DLGAP1: variants seen among roughly 807,000 people sequenced by gnomAD.
The protein encoded by DLGAP1 is DLG associated protein 1.
In DLGAP1, 11 loss-of-function variants were observed where a neutral mutation model predicts 90.8. The ratio of observed to expected loss-of-function variants is 0.12; its 90% CI spans 0.08 to 0.20. The LOEUF (loss-of-function observed/expected upper bound fraction) is 0.20, where lower values mean the gene tolerates loss of function less well. Ranked by LOEUF, DLGAP1 falls within the 10% of genes least tolerant of loss-of-function variation. The probability of loss-of-function intolerance (pLI) is 1.00; values close to 1 mark genes in which losing one functional copy is unlikely to be tolerated. For missense variants in DLGAP1, 1,050 were observed against 1,333.8 expected, an observed-to-expected ratio of 0.79 and a Z score of 3.31; for synonymous variants, 558 against 540.7, an observed-to-expected ratio of 1.03 and a Z score of -0.44.
At chr18:4,277,106 T>A (rs1216133200) in intron 1 of DLGAP1, among the ~76,000 whole-genome samples, 1 of 152,234 alleles carries the variant, frequency 6.6e-6, no homozygotes, top group African/African-American at 2.4e-5. Flanking sequence ...GGAGGCTTTT[T>A]TCCCTGCTAG....
At chr18:3,559,980 A>G (rs1197186341) in intron 9 of DLGAP1, among the ~76,000 whole-genome samples, 2 of 152,090 alleles carry the variant, frequency 1.3e-5, no homozygotes, top group Non-Finnish European at 2.9e-5. Context: ...CTTTGTAATA[A>G]TTAATAATTT....
At chr18:4,086,272 C>T (rs1273246167) in intron 2 of DLGAP1, among the ~76,000 whole-genome samples, 3 of 152,108 alleles carry the variant, frequency 2.0e-5, no homozygotes. Flanking sequence ...TAGATTTAGT[C>T]ATTCAATTGC....
Position 3,517,123 on chromosome 18 carries a change from C to A in DLGAP1, c.2480-8462G>T, listed in dbSNP as rs1477359613. On this transcript the variant is annotated intron_variant, in intron 10 of 12. Coordinates refer to ENST00000315677, the MANE Select transcript of DLGAP1 (RefSeq NM_004746.4). The surrounding 1 kb of genome is among the most constrained non-coding windows in gnomAD (Gnocchi z 4.1). ...AGGCTCTGTTGTTCTACTTATAGAG[C>A]ACACTTTATAAGAGCACACAAATTT... 6.6e-6 allele frequency among the ~76,000 whole-genome samples: 1 copy of A among 152,152 alleles called. No individual in the cohort carries two copies. Among genetic ancestry groups the A allele is most frequent in the Non-Finnish European group, 1.5e-5 (1 of 68,022 alleles).
intron 1 of DLGAP1, among the ~76,000 whole-genome samples, chr18:4,417,647 T>C (rs1385539254): frequency 3.9e-5 from 6 of 151,944 alleles, no homozygotes; most frequent in Non-Finnish European, 7.4e-5. Context: ...GTGTCCAGAG[T>C]GAAGGGCAAT....
intron 5 of DLGAP1, among the ~76,000 whole-genome samples, chr18:3,795,164 G>C (rs553118181): frequency 1.6e-4 from 25 of 152,312 alleles, no homozygotes; most frequent in Middle Eastern, 6.8e-3. Context: ...GACACCCACT[G>C]AGTGTCCTAA....
chr18:4,202,118 CGT>C (rs887236588), intron 1 of DLGAP1, among the ~76,000 whole-genome samples: 3 of 151,038 alleles, frequency 2.0e-5, no homozygotes, highest in African/African-American at 4.9e-5. Context: ...GTGGTGTGTG[CGT>C]GTGTGTGTGT....
chr18:3,718,488 T>C (rs2147305728), intron 7 of DLGAP1, among the ~76,000 whole-genome samples: 1 of 152,064 alleles, frequency 6.6e-6, no homozygotes, highest in Middle Eastern at 3.4e-3. Flanking sequence ...CAGATGATGT[T>C]ATATGATGGA....
intron 6 of DLGAP1, among the ~76,000 whole-genome samples, chr18:3,736,277 C>T (rs1019214378): frequency 2.0e-5 from 3 of 152,110 alleles, no homozygotes; most frequent in African/African-American, 7.2e-5. Flanking sequence ...TCTTCTCAAG[C>T]CCTACTTTAA....
chr18:3,748,936 G>GAGTT (rs1339203943), intron 5 of DLGAP1, among the ~76,000 whole-genome samples: 1 of 152,076 alleles, frequency 6.6e-6, no homozygotes, highest in Non-Finnish European at 1.5e-5. Flanking sequence ...GTTGCCTCTT[G>GAGTT]AGTTATTTCT....
At chr18:4,116,009 T>C (rs2144055320) in intron 2 of DLGAP1, among the ~76,000 whole-genome samples, 1 of 152,348 alleles carries the variant, frequency 6.6e-6, no homozygotes, top group South Asian at 2.1e-4. Context: ...CTCGTGCAGA[T>C]TCAAATTATT....
At chr18:3,628,554 C>T (rs1298657194) in intron 7 of DLGAP1, among the ~76,000 whole-genome samples, 1 of 152,122 alleles carries the variant, frequency 6.6e-6, no homozygotes, top group Non-Finnish European at 1.5e-5. Flanking sequence ...TATAGAATGC[C>T]TCCGAGCCTG....
At chr18:4,107,210 G>C (rs1250767102) in intron 2 of DLGAP1, among the ~76,000 whole-genome samples, 1 of 152,192 alleles carries the variant, frequency 6.6e-6, no homozygotes, top group African/African-American at 2.4e-5. Context: ...AACTCCTTTT[G>C]AAAGGAAAGG....
chr18:3,676,498 C>A (rs933422152), intron 7 of DLGAP1, among the ~76,000 whole-genome samples: 2 of 152,064 alleles, frequency 1.3e-5, no homozygotes, highest in Non-Finnish European at 2.9e-5. Flanking sequence ...TTTCCTGCCG[C>A]GAGATGACAA....
intron 3 of DLGAP1, among the ~76,000 whole-genome samples, chr18:3,927,862 T>G (rs2072427483): frequency 1.3e-5 from 2 of 152,238 alleles, no homozygotes; most frequent in African/African-American, 2.4e-5. Context: ...TGAATGTTTT[T>G]TAAAAATGTC....
intron 5 of DLGAP1, among the ~76,000 whole-genome samples, chr18:3,785,652 T>C (rs1048704510): frequency 4.0e-4 from 61 of 152,124 alleles, no homozygotes; most frequent in African/African-American, 1.3e-3. Flanking sequence ...CTGGGAGGTA[T>C]TGTCTTGTGA....
chr18:4,320,717 TAC>T lies in DLGAP1; in HGVS notation c.-267+134287_-267+134288del, dbSNP rs71160954. Among the ~76,000 whole-genome samples the T allele has an allele frequency of 3.0e-3, 445 of 146,904 alleles. 4 individuals carry two copies. The highest frequency in any genetic ancestry group is 0.017 in the Middle Eastern group (5 of 290). On this transcript the variant is annotated intron_variant, in intron 1 of 12. Transcript: ENST00000315677. ...GTGGTGGAAACCCTAATTACAATTT[TAC>T]ACACACACACACACACACACACACA...
rs2062234571 is a variant in DLGAP1 at position 3,727,627 on chromosome 18, T to C, written c.1591+1508A>G. On this transcript the variant is annotated intron_variant, in intron 7 of 12. Coordinates refer to ENST00000315677, the MANE Select transcript of DLGAP1 (RefSeq NM_004746.4). The surrounding 1 kb of genome is among the most constrained non-coding windows in gnomAD (Gnocchi z 4.7). ...TGAAAATGGGACACACCAAAAGACA[T>C]AGTGATAAGCTACAGGGACAGGGCA... 1 of 152,158 alleles carries C rather than the reference T, an allele frequency of 6.6e-6. No individual in the cohort carries two copies. The highest frequency in any genetic ancestry group is 2.4e-5 in the African/African-American group (1 of 41,420). The allele number at this position is 152,158 out of a possible 1,614,324, so 9.4% of individuals were successfully genotyped here.
intron 2 of DLGAP1, among the ~76,000 whole-genome samples, chr18:4,148,352 A>G (rs7238026): frequency 0.43 from 65,644 of 151,974 alleles, 14,754 homozygotes; most frequent in East Asian, 0.7. Flanking sequence ...CATGCTTTAA[A>G]TGTCTGCTTA....
intron 3 of DLGAP1, among the ~76,000 whole-genome samples, chr18:3,991,127 A>T (rs1292558742): frequency 6.6e-6 from 1 of 152,004 alleles, no homozygotes; most frequent in East Asian, 1.9e-4. Context: ...TAATTTTTCA[A>T]ATTTTTTTAA....
Sources: gnomAD v4.1 joint callset for allele counts (sites outside exome capture counted in the v4.1 genomes callset) on GRCh38, gnomAD v4.1.1 for gene constraint, Gnocchi (gnomAD v3.1) non-coding constraint, MANE v1.5 for transcripts, NCBI Gene and HGNC (gene_info 2026-07-23, HGNC 2026-07-21) for gene names.